MTSS1: variants seen among roughly 807,000 people sequenced by gnomAD.
The protein encoded by MTSS1 is protein MTSS 1.
In MTSS1, 18 loss-of-function variants were observed where a neutral mutation model predicts 79.0. That is an observed-to-expected ratio of 0.23 (90% CI 0.16 to 0.34). MTSS1 has a LOEUF of 0.34. Ranked by LOEUF, MTSS1 falls within the 10% of genes least tolerant of loss-of-function variation. The pLI is 1.00. For missense variants in MTSS1, 815 were observed against 986.2 expected, an observed-to-expected ratio of 0.83 and a Z score of 2.33; for synonymous variants, 341 against 368.6, an observed-to-expected ratio of 0.93 and a Z score of 0.86.
chr8:124,651,225 C>G (rs1328813407), intron 3 of MTSS1, among the ~76,000 whole-genome samples: 1 of 152,096 alleles, frequency 6.6e-6, no homozygotes, highest in African/African-American at 2.4e-5. Flanking sequence ...GTATTAAAGC[C>G]CCATGCAACA....
intron 3 of MTSS1, among the ~76,000 whole-genome samples, chr8:124,608,787 A>G (rs1835281478): frequency 6.6e-6 from 1 of 152,190 alleles, no homozygotes; most frequent in Admixed American, 6.5e-5. Context: ...TATGCGCTAG[A>G]TGGAAAATGG....
At position 124,552,493 on chromosome 8, in the gene MTSS1, T is replaced by C. The variant is rs556837267; in HGVS notation, c.*499A>G. On this transcript the variant is annotated 3_prime_UTR_variant, in exon 14 of 14. Coordinates refer to ENST00000518547, the MANE Select transcript of MTSS1 (RefSeq NM_014751.6). ...TGCTCTTTTCATCCAGAACATAGTA[T>C]ATTTAAATGAAGATTTTACCTCTTA... 1.2e-5 allele frequency: 2 copies of C among 161,102 alleles called. No homozygotes were observed. Among genetic ancestry groups the C allele is most frequent in the South Asian group, 3.3e-4 (2 of 6,004 alleles). 10.0% of individuals were successfully genotyped at this position (161,102 alleles called of 1,614,324 possible).
At chr8:124,645,611 A>T (rs2134073915) in intron 3 of MTSS1, among the ~76,000 whole-genome samples, 1 of 152,008 alleles carries the variant, frequency 6.6e-6, no homozygotes, top group African/African-American at 2.4e-5. Context: ...CAGTTTACCA[A>T]GCTTTTCTCT....
At chr8:124,571,455 C>T (rs913540932) in intron 6 of MTSS1, among the ~76,000 whole-genome samples, 8 of 152,202 alleles carry the variant, frequency 5.3e-5, no homozygotes, top group African/African-American at 1.9e-4. Context: ...CTTGTTGGGT[C>T]ACATGACTCA....
chr8:124,585,736 T>A (rs767546836), intron 5 of MTSS1, among the ~76,000 whole-genome samples: 10 of 151,908 alleles, frequency 6.6e-5, no homozygotes, highest in Non-Finnish European at 1.2e-4. Context: ...ATGAAAAAAA[T>A]TCACAATTTC....
intron 4 of MTSS1, among the ~76,000 whole-genome samples, chr8:124,590,672 G>C (rs1831695401): frequency 6.6e-6 from 1 of 152,228 alleles, no homozygotes; most frequent in Admixed American, 6.5e-5. Flanking sequence ...TCCGGTGCCA[G>C]CTACTACCAT....
intron 3 of MTSS1, among the ~76,000 whole-genome samples, chr8:124,601,636 C>T (rs1022975922): frequency 7.9e-5 from 12 of 152,220 alleles, no homozygotes; most frequent in African/African-American, 2.2e-4. Flanking sequence ...TTCACCTTGA[C>T]GGCGGGCTGG....
intron 3 of MTSS1, among the ~76,000 whole-genome samples, chr8:124,631,190 C>T (rs886270167): frequency 1.2e-4 from 19 of 152,160 alleles, no homozygotes; most frequent in African/African-American, 3.6e-4. Context: ...AGGTGGGGCA[C>T]GGGGACAGGC....
At chr8:124,699,436 T>G in intron 3 of MTSS1, 90 bp downstream of exon 3, 2 of 1,188,410 alleles carry the variant, frequency 1.7e-6, no homozygotes, top group Non-Finnish European at 2.5e-6. Flanking sequence ...CTCTGATAAC[T>G]TAAGCTGCAT....
intron 3 of MTSS1, among the ~76,000 whole-genome samples, chr8:124,601,437 A>T (rs901774534): frequency 3.9e-5 from 6 of 152,202 alleles, no homozygotes; most frequent in African/African-American, 1.4e-4. Flanking sequence ...AAGAATGAAA[A>T]GGAAAGCTCC....
chr8:124,625,780 G>A (rs1485283962), intron 3 of MTSS1, among the ~76,000 whole-genome samples: 4 of 152,182 alleles, frequency 2.6e-5, no homozygotes, highest in Non-Finnish European at 4.4e-5. Flanking sequence ...AAGATGAACA[G>A]ACTCCCAGGC....
intron 3 of MTSS1, among the ~76,000 whole-genome samples, chr8:124,596,183 C>T (rs1832727268): frequency 6.6e-6 from 1 of 152,156 alleles, no homozygotes; most frequent in Non-Finnish European, 1.5e-5. Flanking sequence ...CAAGCATATT[C>T]ATTTTCTTAT....
intron 3 of MTSS1, among the ~76,000 whole-genome samples, chr8:124,666,292 G>C (rs1381858138): frequency 6.6e-6 from 1 of 152,184 alleles, no homozygotes; most frequent in Non-Finnish European, 1.5e-5. Context: ...ACACATGCAA[G>C]GCACTGTGCT....
At chr8:124,709,483 C>T (rs571737158) in intron 1 of MTSS1, among the ~76,000 whole-genome samples, 64 of 152,328 alleles carry the variant, frequency 4.2e-4, no homozygotes, top group African/African-American at 8.7e-4. Flanking sequence ...ACTCCCGCCA[C>T]GCCCCGGCTT....
intron 3 of MTSS1, among the ~76,000 whole-genome samples, chr8:124,640,117 G>A (rs1817752935): frequency 6.6e-6 from 1 of 152,314 alleles, no homozygotes; most frequent in East Asian, 1.9e-4. Context: ...GAAACTGAAT[G>A]TCTGGCCTCC....
intron 5 of MTSS1, among the ~76,000 whole-genome samples, chr8:124,587,384 C>G (rs16899786): frequency 5.9e-5 from 9 of 152,176 alleles, no homozygotes; most frequent in Admixed American, 3.3e-4. Flanking sequence ...GGATAAATCC[C>G]GTGAGCCTAA....
chr8:124,574,129 G>A (rs1281189143), intron 6 of MTSS1, among the ~76,000 whole-genome samples: 1 of 152,064 alleles, frequency 6.6e-6, no homozygotes, highest in Non-Finnish European at 1.5e-5. Context: ...ATTTTTTGTA[G>A]AGACAGGGTT....
intron 3 of MTSS1, among the ~76,000 whole-genome samples, chr8:124,617,961 A>G (rs552298249): frequency 6.6e-6 from 1 of 152,212 alleles, no homozygotes; most frequent in East Asian, 1.9e-4. Context: ...CCCTGACTCT[A>G]TTTTTGGGAG....
At chr8:124,655,029 T>C (rs547061777) in intron 3 of MTSS1, among the ~76,000 whole-genome samples, 1 of 152,370 alleles carries the variant, frequency 6.6e-6, no homozygotes, top group South Asian at 2.1e-4. Context: ...ATAAAACCAC[T>C]GCCCAAATGA....
Sources: allele counts gnomAD v4.1 joint callset (sites outside exome capture counted in the v4.1 genomes callset), GRCh38; gene constraint gnomAD v4.1.1; transcripts MANE v1.5; gene names NCBI Gene and HGNC (gene_info 2026-07-23, HGNC 2026-07-21).